The following TMCO4 variants were observed in gnomAD, a reference collection of about 807,000 sequenced individuals.
TMCO4 encodes transmembrane and coiled-coil domain-containing protein 4.
In TMCO4, 58 loss-of-function variants were observed where a neutral mutation model predicts 64.7. The observed-to-expected ratio is 0.90, with a 90% CI of 0.73 to 1.12. The LOEUF (loss-of-function observed/expected upper bound fraction) is 1.12. Among genes scored for constraint, TMCO4 ranks in the 50% most tolerant of loss-of-function variants. TMCO4 has a pLI of 0.00. For missense variants in TMCO4, 780 were observed against 825.9 expected (o/e 0.94, Z 0.68); for synonymous variants, 325 against 346.1 (o/e 0.94, Z 0.68).
chr1:19,747,253 C>G lies in TMCO4; in HGVS notation c.523G>C (p.Glu175Gln). The change falls in exon 8 of 16, where the codon GAG becomes CAG. Residue 175 changes from glutamate (E) to glutamine (Q), a missense_variant. By Grantham distance (29) the Glu-to-Gln change is conservative (BLOSUM62 2). Transcript: ENST00000294543. ...EIKEEESEMA[E>Q]ASRKKKENRR... ...TTTTCTTTCTTCTTTCGGGATGCCT[C>G]GGCCATTCTGAGGGAAAAGAGGCTG... 1 of 1,613,376 alleles carries G rather than the reference C, an allele frequency of 6.2e-7. No homozygotes were observed. Among genetic ancestry groups the G allele is most frequent in the Non-Finnish European group, 8.5e-7 (1 of 1,179,860 alleles).
chr1:19,699,290 C>T (rs1025806855), intron 14 of TMCO4, among the ~76,000 whole-genome samples: 1 of 151,780 alleles, frequency 6.6e-6, no homozygotes, highest in African/African-American at 2.4e-5. Flanking sequence ...GCCAGTTCTT[C>T]TGCTTCATAA....
chr1:19,746,700 G>A (rs565580127), intron 8 of TMCO4, 101 bp from the exon 9 acceptor site: 10 of 1,382,478 alleles, frequency 7.2e-6, no homozygotes, highest in Admixed American at 2.3e-5. Context: ...CGAGGTGGGC[G>A]GATCACGAGG....
intron 3 of TMCO4, 104 bp from the exon 4 acceptor site, chr1:19,780,870 T>A (rs2043441058): frequency 2.0e-6 from 2 of 984,706 alleles, no homozygotes; most frequent in Non-Finnish European, 2.9e-6. Flanking sequence ...AAAGTAGGCA[T>A]CATTAAAATG....
At chr1:19,733,667 C>T (rs768227758) in intron 13 of TMCO4, among the ~76,000 whole-genome samples, 4 of 152,170 alleles carry the variant, frequency 2.6e-5, no homozygotes, top group Non-Finnish European at 4.4e-5. Context: ...TGCCCACGTG[C>T]TGCTGATGTG....
chr1:19,798,281 T>G (rs1340080752), intron 1 of TMCO4, 66 bp from the exon 2 acceptor site: 1 of 152,696 alleles, frequency 6.5e-6, no homozygotes, highest in African/African-American at 2.4e-5. Context: ...ATTTCTTAGG[T>G]CCCACGTTAG....
rs528640951 is a variant in TMCO4 at position 19,793,879 on chromosome 1, T to A, written c.-101+4258A>T. Among the ~76,000 whole-genome samples, 76 of 152,304 alleles carry A rather than the reference T, an allele frequency of 5.0e-4. 2 individuals are homozygous for A. The South Asian group carries it at 0.015, about 30-fold the overall frequency. On this transcript the variant is annotated intron_variant, in intron 2 of 15. Transcript: ENST00000294543. Reference sequence around the variant, plus strand: ...ACGCCTCTCCACATATCTGCTTTTTTTCTGCCCTCAACCCAGCTGTTCAAG... The same window carrying A: ...ACGCCTCTCCACATATCTGCTTTTTATCTGCCCTCAACCCAGCTGTTCAAG...
At position 19,767,630 on chromosome 1, in the gene TMCO4, C is replaced by T. The variant is rs977028987; in HGVS notation, c.382+2912G>A. ...GTGAGGAAAGAGGGAAAGTTAGATT[C>T]CGGGGCCAAGGCTGCTTCTCTTTCT... is the stretch of plus-strand genomic sequence containing the variant. On this transcript the variant is annotated intron_variant, in intron 6 of 15. Coordinates refer to ENST00000294543, the MANE Select transcript of TMCO4 (RefSeq NM_181719.7). Among the ~76,000 whole-genome samples, 3 of 152,078 alleles carry T rather than the reference C, an allele frequency of 2.0e-5. No individual in the cohort carries two copies. The East Asian group carries it at 5.8e-4, about 29-fold the overall frequency.
intron 13 of TMCO4, among the ~76,000 whole-genome samples, chr1:19,730,744 T>G (rs2095426898): frequency 6.6e-6 from 1 of 152,156 alleles, no homozygotes; most frequent in African/African-American, 2.4e-5. Flanking sequence ...CAGCTTTTCC[T>G]GGGGAAGGGG....
At chr1:19,777,707 A>G (rs1437717060) in intron 4 of TMCO4, among the ~76,000 whole-genome samples, 1 of 152,184 alleles carries the variant, frequency 6.6e-6, no homozygotes, top group Admixed American at 6.5e-5. Flanking sequence ...TGTTAAGTGA[A>G]AAAAACAAAT....
intron 15 of TMCO4, among the ~76,000 whole-genome samples, chr1:19,689,297 A>G (rs1264513074): frequency 3.9e-5 from 6 of 152,218 alleles, no homozygotes; most frequent in African/African-American, 1.4e-4. Flanking sequence ...ATGTACTCCT[A>G]ATGTGATAAA....
At position 19,762,984 on chromosome 1, in the gene TMCO4, T is replaced by C. The variant is rs542765097; in HGVS notation, c.383-7218A>G. Among the ~76,000 whole-genome samples the C allele has an allele frequency of 3.9e-5, 6 of 152,364 alleles. No individual in the cohort carries two copies. The South Asian group carries it at 1.2e-3, about 32-fold the overall frequency. On this transcript the variant is annotated intron_variant, in intron 6 of 15. Coordinates refer to ENST00000294543, the MANE Select transcript of TMCO4 (RefSeq NM_181719.7). ...ACCTGGGTTTAAATCTTGATCTAAG[T>C]TCCTACTAGCTGAATGGGTTCAGTA...
chr1:19,778,545 G>A (rs1348817219), intron 4 of TMCO4, among the ~76,000 whole-genome samples: 3 of 152,116 alleles, frequency 2.0e-5, no homozygotes, highest in African/African-American at 4.8e-5. Context: ...GATTACAGGC[G>A]TGAGCCACTG....
chr1:19,745,645 T>A lies in TMCO4; in HGVS notation c.764A>T (p.Lys255Met). ...AATGGCTCCCACTCGCTTCTTCATC[T>A]TGTATCCTAAAGACCCAGATCCGAG... is the stretch of plus-strand genomic sequence containing the variant. ...GAAGAGLTGYKMKKRVGAIEE... is the reference protein window; with the variant it reads ...GAAGAGLTGYMMKKRVGAIEE... Residue 255 changes from lysine to methionine, a missense_variant, in exon 10 of 16, where the codon AAG becomes ATG. Transcript: ENST00000294543. 6.2e-7 allele frequency: 1 copy of A among 1,610,218 alleles called. No individual in the cohort carries two copies.
At chr1:19,760,469 G>C (rs951249336) in intron 6 of TMCO4, among the ~76,000 whole-genome samples, 21 of 152,290 alleles carry the variant, frequency 1.4e-4, no homozygotes, top group Admixed American at 2.6e-4. Context: ...CCAGGATGGA[G>C]TGCAGTGGTA....
At chr1:19,724,604 T>C (rs915175856) in intron 13 of TMCO4, among the ~76,000 whole-genome samples, 2 of 152,218 alleles carry the variant, frequency 1.3e-5, no homozygotes, top group African/African-American at 4.8e-5. Flanking sequence ...TATTAAATCC[T>C]AGAATAACCC....
In TMCO4 at chr1:19,683,454, A is replaced by T; in HGVS notation, c.1501-10T>A. The T allele has an allele frequency of 2.5e-6, 4 of 1,611,564 alleles. No individual in the cohort carries two copies. The highest frequency in any genetic ancestry group is 3.4e-6 in the Non-Finnish European group (4 of 1,179,764). ...CCAGGTGGCCGCTGACCTGCAGGAG[A>T]CAGTGAGTGAGCACCACCGTGGGTG... On this transcript the variant is annotated splice_polypyrimidine_tract_variant and intron_variant, in intron 15 of 15. Coordinates refer to ENST00000294543, the MANE Select transcript of TMCO4 (RefSeq NM_181719.7).
chr1:19,787,175 G>A (rs1016628451), intron 2 of TMCO4, 58 bp from the exon 3 acceptor site: 2 of 152,372 alleles, frequency 1.3e-5, no homozygotes, highest in Non-Finnish European at 2.9e-5. Context: ...AGATCTGGGG[G>A]AGGCTACGGC....
intron 13 of TMCO4, among the ~76,000 whole-genome samples, chr1:19,713,734 A>C (rs1043409764): frequency 3.3e-5 from 5 of 150,112 alleles, no homozygotes; most frequent in East Asian, 2.5e-4. Context: ...ACAACAACAA[A>C]AACAAAAAAA....
At chr1:19,789,200 G>A (rs1043251145) in intron 2 of TMCO4, among the ~76,000 whole-genome samples, 14 of 151,766 alleles carry the variant, frequency 9.2e-5, no homozygotes, top group African/African-American at 3.4e-4. Context: ...TGAGAAGCTC[G>A]AGACCAGCCT....
Sources: gnomAD v4.1 joint callset for allele counts (sites outside exome capture counted in the v4.1 genomes callset) on GRCh38, gnomAD v4.1.1 for gene constraint, MANE v1.5 for transcripts, NCBI Gene and HGNC (gene_info 2026-07-23, HGNC 2026-07-21) for gene names.